Variants in LIAS observed in about 807,000 individuals in gnomAD.
LIAS encodes the protein lipoic acid synthetase.
In LIAS, 36 loss-of-function variants were observed where a neutral mutation model predicts 49.4. That is an observed-to-expected ratio of 0.73 (90% confidence interval 0.56 to 0.96). The LOEUF (loss-of-function observed/expected upper bound fraction) is 0.96, where lower values mean the gene tolerates loss of function less well. Ranked by LOEUF, LIAS falls within the 40% of genes least tolerant of loss-of-function variation. The pLI is 0.00. For synonymous variants in LIAS, 145 were observed against 155.8 expected, an observed-to-expected ratio of 0.93 and a Z score of 0.52; for missense variants, 399 against 456.3, an observed-to-expected ratio of 0.87 and a Z score of 1.14.
At position 39,470,183 on chromosome 4, in the gene LIAS, G is replaced by C. The variant is rs1212939934; in HGVS notation, c.883+19G>C. On this transcript the variant is annotated intron_variant, in intron 8 of 10. Transcript: ENST00000640888. The stretch of plus-strand genomic sequence containing the variant: ...ATGAAAGGTAAAGAAATTGAAAAAT[G>C]AAAAATCTTTCCCATGTAATTTGAG... 1.9e-6 allele frequency: 3 copies of C among 1,601,964 alleles called. No homozygotes were observed. The highest frequency in any genetic ancestry group is 2.6e-6 in the Non-Finnish European group (3 of 1,172,260).
chr4:39,468,502 A>AAAAAAAATAT (rs140159831), intron 7 of LIAS: 26 of 125,152 alleles, frequency 2.1e-4, no homozygotes, highest in African/African-American at 7.1e-4. Context: ...GGAAAAAAAA[A>AAAAAAAATAT]ATATATATAT....
In LIAS at chr4:39,459,113, A is replaced by G. The variant is rs779423793; in HGVS notation, c.-5A>G. 1 of 1,614,102 alleles carries G rather than the reference A, an allele frequency of 6.2e-7. No homozygotes were observed. Among genetic ancestry groups the G allele is most frequent in the South Asian group, 1.1e-5 (1 of 91,084 alleles). The stretch of plus-strand genomic sequence containing the variant: ...CCCCTGCACTGCGCTAGTCCTAAAG[A>G]GGAAATGTCTCTACGCTGCGGGGAT... On this transcript the variant is annotated 5_prime_UTR_variant, in exon 1 of 11. Transcript: ENST00000640888.
At chr4:39,461,926 C>T (rs1055296972) in intron 2 of LIAS, among the ~76,000 whole-genome samples, 2 of 152,208 alleles carry the variant, frequency 1.3e-5, no homozygotes, top group Non-Finnish European at 2.9e-5. Flanking sequence ...AACTCCTGAC[C>T]TTGTGATCCG....
In LIAS at chr4:39,473,152, A is replaced by G; in HGVS notation, c.1007A>G (p.Asn336Ser). 1 of 1,613,398 alleles carries G rather than the reference A, an allele frequency of 6.2e-7. No individual in the cohort carries two copies. Among genetic ancestry groups the G allele is most frequent in the Non-Finnish European group, 8.5e-7 (1 of 1,179,274 alleles). ...EKFKYWEKVG[N>S]ELGFHYTASG... is the part of the protein sequence containing the mutation. ...TTCAAATACTGGGAAAAAGTAGGAA[A>G]TGAACTTGGATTTCATTATACTGCA... is the stretch of plus-strand genomic sequence containing the variant. The change falls in exon 10 of 11, where the codon AAT becomes AGT. Residue 336 changes from asparagine to serine, a missense_variant. Around this residue, in one of 3 missense-constraint regions of LIAS, gnomAD observed 234 missense variants for 292.2 expected, o/e 0.80. Transcript: ENST00000640888.
intron 10 of LIAS, 64 bp downstream of exon 10, chr4:39,473,275 C>T (rs1198641285): frequency 1.0e-6 from 1 of 994,058 alleles, no homozygotes; most frequent in African/African-American, 1.6e-5. Context: ...AGTTCTACCA[C>T]CAGTCACTAA....
rs560385411 is a variant in LIAS, at chr4:39,477,760, A to G, written c.*645A>G. ...CATTTTGGGAGGCCAGGGCGGGTGG[A>G]TCACTTGAACCCAGGAGTTCGAGAC... On this transcript the variant is annotated 3_prime_UTR_variant, in exon 11 of 11. Coordinates refer to ENST00000640888, the MANE Select transcript of LIAS (RefSeq NM_006859.4). 6.6e-6 allele frequency: 1 copy of G among 152,414 alleles called. No homozygotes were observed. The highest frequency in any genetic ancestry group is 2.4e-5 in the African/African-American group (1 of 41,556). 9.4% of individuals were successfully genotyped at this position (152,414 alleles called of 1,614,324 possible).
intron 10 of LIAS, chr4:39,476,500 T>TA (rs1033819944): frequency 1.3e-5 from 2 of 152,550 alleles, no homozygotes; most frequent in African/African-American, 4.8e-5. Context: ...ACTAATGGCC[T>TA]AAAAAGAGAA....
rs1005599750 is a variant in LIAS, at chr4:39,478,319, C to G, written c.*1204C>G. ...GGGAGTTTGAGAACAGCCTGGCCAACCTGGTGAAACTCCATTGCTACTAAA... is the reference window on the plus strand; with the variant it reads ...GGGAGTTTGAGAACAGCCTGGCCAAGCTGGTGAAACTCCATTGCTACTAAA... On this transcript the variant is annotated 3_prime_UTR_variant, in exon 11 of 11. Coordinates refer to ENST00000640888, the MANE Select transcript of LIAS (RefSeq NM_006859.4). 1.3e-5 allele frequency: 2 copies of G among 152,136 alleles called. No homozygotes were observed. Among genetic ancestry groups the G allele is most frequent in the Non-Finnish European group, 2.9e-5 (2 of 68,034 alleles). The allele number at this position is 152,136 out of a possible 1,614,324, so 9.4% of individuals were successfully genotyped here.
intron 6 of LIAS, 35 bp downstream of exon 6, chr4:39,465,377 T>C: frequency 6.4e-7 from 1 of 1,570,010 alleles, no homozygotes. Context: ...TTTAAGGACC[T>C]TTTTGGACCC....
At chr4:39,468,488 G>A (rs1350729059) in intron 7 of LIAS, 2 of 99,858 alleles carry the variant, frequency 2.0e-5, no homozygotes, top group African/African-American at 4.2e-5. Flanking sequence ...TCTAGAAAGA[G>A]AAAGGAAAAA....
intron 9 of LIAS, among the ~76,000 whole-genome samples, chr4:39,472,252 G>A (rs997149294): frequency 2.0e-5 from 3 of 151,964 alleles, no homozygotes; most frequent in Non-Finnish European, 2.9e-5. Context: ...AGTGGAAGTG[G>A]ACCATCATAA....
intron 1 of LIAS, among the ~76,000 whole-genome samples, chr4:39,460,548 A>C (rs1052268402): frequency 4.6e-5 from 7 of 151,866 alleles, no homozygotes; most frequent in South Asian, 4.2e-4. Flanking sequence ...AAAAAAAAAA[A>C]AAAACAGATT....
intron 7 of LIAS, 91 bp downstream of exon 7, chr4:39,467,737 G>GACTTTTACAATGTAAAAGTT: frequency 8.0e-7 from 1 of 1,255,588 alleles, no homozygotes; most frequent in Non-Finnish European, 1.0e-6. Flanking sequence ...CTTTGCCATT[G>GACTTTTACAATGTAAAAGTT]ACTTTTACAA....
At position 39,471,242 on chromosome 4, in the gene LIAS, G is replaced by A. The variant is rs756021613; in HGVS notation, c.890G>A (p.Arg297His). ...EQVYATMKAL[R>H]EADVDCLTLG... ...TGTGCTTTTCTTCCTACAGCACTTC[G>A]TGAGGCAGATGTAGACTGCTTGACT... The change falls in exon 9 of 11, where the codon CGT becomes CAT. Residue 297 changes from arginine to histidine, a missense_variant. Around this residue, in one of 3 missense-constraint regions of LIAS, gnomAD observed 234 missense variants for 292.2 expected, o/e 0.80. Coordinates refer to ENST00000640888, the MANE Select transcript of LIAS (RefSeq NM_006859.4). 22 of 1,609,876 alleles carry A rather than the reference G, an allele frequency of 1.4e-5. 1 individual carries two copies. The highest frequency in any genetic ancestry group is 5.5e-5 in the South Asian group (5 of 90,820).
intron 6 of LIAS, chr4:39,466,766 G>A (rs1490060365): frequency 6.6e-6 from 1 of 152,022 alleles, no homozygotes. Context: ...TTATATTCAT[G>A]ATAAGGGTGT....
rs1744800795 is a variant in LIAS, at chr4:39,467,395, C to A, written c.609-123C>A. 5 of 883,184 alleles carry A rather than the reference C, an allele frequency of 5.7e-6. No homozygotes were observed. In the South Asian group the frequency reaches 1.1e-4, roughly 20 times the overall value. 54.7% of individuals were successfully genotyped at this position (883,184 alleles called of 1,614,324 possible). A position where few individuals can be genotyped will look rare whatever the true frequency, so the allele number is the denominator to read the frequency against. On this transcript the variant is annotated intron_variant, in intron 6 of 10. Transcript: ENST00000640888. ...TGAACATCTGTATGTTCATACTTTT[C>A]TTGACAAAGTTCTAAAGGTTACTGT...
intron 1 of LIAS, among the ~76,000 whole-genome samples, chr4:39,459,738 A>G (rs913111557): frequency 6.6e-6 from 1 of 152,216 alleles, no homozygotes; most frequent in African/African-American, 2.4e-5. Flanking sequence ...CACAGAAACA[A>G]TGTAACCTAG....
At chr4:39,471,517 ATTTT>A (rs766866733) in intron 9 of LIAS, among the ~76,000 whole-genome samples, 3 of 74,320 alleles carry the variant, frequency 4.0e-5, no homozygotes, top group East Asian at 4.8e-4. Context: ...CATATATATA[ATTTT>A]TTTTTTTTTT....
At chr4:39,475,521 A>G (rs1032870360) in intron 10 of LIAS, 4 of 152,150 alleles carry the variant, frequency 2.6e-5, no homozygotes, top group Non-Finnish European at 4.4e-5. Flanking sequence ...CTATTTGAAA[A>G]AATTAATGCT....
Sources: gnomAD v4.1 joint callset for allele counts (sites outside exome capture counted in the v4.1 genomes callset) on GRCh38, gnomAD v4.1.1 for gene constraint, gnomAD v4.1.1 regional missense constraint, MANE v1.5 for transcripts, NCBI Gene and HGNC (gene_info 2026-07-23, HGNC 2026-07-21) for gene names.